FKBP5: variants seen among roughly 807,000 people sequenced by gnomAD.
FKBP5 encodes peptidyl-prolyl cis-trans isomerase FKBP5.
In FKBP5, 23 loss-of-function variants were observed where a neutral mutation model predicts 50.5. The observed-to-expected ratio is 0.46, with a 90% CI of 0.33 to 0.65. The LOEUF (loss-of-function observed/expected upper bound fraction) is 0.65. Among genes scored for constraint, FKBP5 ranks in the 30% least tolerant of loss-of-function variants. The pLI is 0.02. For synonymous variants in FKBP5, 176 were observed against 190.6 expected, an observed-to-expected ratio of 0.92 and a Z score of 0.63; for missense variants, 411 against 553.1, an observed-to-expected ratio of 0.74 and a Z score of 2.58.
rs922676241 is a variant in FKBP5 at position 35,575,782 on chromosome 6, G to A, written c.*53C>T. On this transcript the variant is annotated 3_prime_UTR_variant, in exon 11 of 11. Coordinates refer to ENST00000357266, the MANE Select transcript of FKBP5 (RefSeq NM_004117.4). The stretch of plus-strand genomic sequence containing the variant: ...CTGTTCTGTCCTGAGTTGGGGGAAA[G>A]CCCATTGAGGAGGGGCCGAGTTCAC... 4 of 1,122,836 alleles carry A rather than the reference G, an allele frequency of 3.6e-6. No individual in the cohort carries two copies. In the African/African-American group the frequency reaches 6.1e-5, roughly 17 times the overall value. 69.6% of individuals were successfully genotyped at this position (1,122,836 alleles called of 1,614,324 possible). A position where few individuals can be genotyped will look rare whatever the true frequency, so the allele number is the denominator to read the frequency against.
intron 3 of FKBP5, among the ~76,000 whole-genome samples, chr6:35,632,035 A>G (rs967889722): frequency 2.6e-5 from 4 of 151,960 alleles, no homozygotes; most frequent in African/African-American, 9.7e-5. Flanking sequence ...TAGTGAAAAT[A>G]TATTTGCTGG....
chr6:35,641,284 A>C (rs1413098471), intron 2 of FKBP5, among the ~76,000 whole-genome samples: 1 of 152,200 alleles, frequency 6.6e-6, no homozygotes, highest in Non-Finnish European at 1.5e-5. Context: ...CACTCAGCCA[A>C]GGGTGTTTTA....
Position 35,609,354 on chromosome 6 carries a change from C to T in FKBP5, c.508+9742G>A, listed in dbSNP as rs77620127. ...TGGGCTGAGTACGGAATTCTAGGTT[C>T]AAAATACACATAGCTATAGACAATG... is the stretch of plus-strand genomic sequence containing the variant. On this transcript the variant is annotated intron_variant, in intron 5 of 10. Transcript: ENST00000357266. Among the ~76,000 whole-genome samples, 22 of 152,136 alleles carry T rather than the reference C, an allele frequency of 1.4e-4. No homozygotes were observed. In the East Asian group the frequency reaches 2.7e-3, roughly 19 times the overall value.
chr6:35,644,059 G>A (rs951741291), intron 1 of FKBP5, among the ~76,000 whole-genome samples: 5 of 152,122 alleles, frequency 3.3e-5, no homozygotes, highest in Admixed American at 6.5e-5. Context: ...AAAAATATCT[G>A]TTTTCACAGA....
chr6:35,657,482 T>C (rs929037726), intron 1 of FKBP5, among the ~76,000 whole-genome samples: 1 of 152,226 alleles, frequency 6.6e-6, no homozygotes. Context: ...TCTTTGATCA[T>C]TCTTGTGTAG....
At position 35,713,250 on chromosome 6, in the gene FKBP5, A is replaced by G. The variant is rs1381381050; in HGVS notation, c.-20+7078T>C. ...TGTGGCTCAGGTCAATGGGAGCCAC[A>G]CTTGTTGGGGGAACCTTAGGACTAG... On this transcript the variant is annotated intron_variant, in intron 2 of 11. Transcript: ENST00000536438. Among the ~76,000 whole-genome samples, 3 of 151,962 alleles carry G rather than the reference A, an allele frequency of 2.0e-5. No homozygotes were observed. In the East Asian group the frequency reaches 5.8e-4, roughly 29 times the overall value.
chr6:35,703,267 C>G (rs1473039424), intron 2 of FKBP5, among the ~76,000 whole-genome samples: 2 of 151,790 alleles, frequency 1.3e-5, no homozygotes, highest in African/African-American at 4.8e-5. Context: ...AAAAAATTAG[C>G]CAGGTGTGGT....
intron 9 of FKBP5, among the ~76,000 whole-genome samples, chr6:35,579,749 TAC>T (rs1464180960): frequency 6.6e-6 from 1 of 152,220 alleles, no homozygotes; most frequent in Non-Finnish European, 1.5e-5. Flanking sequence ...ATATAAATAC[TAC>T]AGTTATAAGG....
At chr6:35,706,306 C>T (rs374948375) in intron 2 of FKBP5, among the ~76,000 whole-genome samples, 1 of 151,660 alleles carries the variant, frequency 6.6e-6, no homozygotes. Context: ...TGCCTGTAAT[C>T]CCAGCTAATC....
chr6:35,633,897 G>A (rs570914895), intron 3 of FKBP5, among the ~76,000 whole-genome samples: 67 of 152,212 alleles, frequency 4.4e-4, no homozygotes, highest in African/African-American at 1.4e-3. Context: ...CCTAATGCCC[G>A]GCTGGAAGCT....
chr6:35,606,780 T>G (rs1763335520), intron 5 of FKBP5, among the ~76,000 whole-genome samples: 1 of 149,994 alleles, frequency 6.7e-6, no homozygotes. Flanking sequence ...TTAGTTCAGC[T>G]CCTGTGGAAA....
At chr6:35,616,732 A>C (rs1763672287) in intron 5 of FKBP5, among the ~76,000 whole-genome samples, 1 of 152,172 alleles carries the variant, frequency 6.6e-6, no homozygotes, top group Non-Finnish European at 1.5e-5. Flanking sequence ...CTTAGTTGAC[A>C]AAACCCTCCA....
chr6:35,661,842 T>C lies in FKBP5; in HGVS notation c.-19-18999A>G, dbSNP rs1455811559. On this transcript the variant is annotated intron_variant, in intron 1 of 10. Transcript: ENST00000357266. The stretch of plus-strand genomic sequence containing the variant: ...GAGTGAGAATCTTAGCTTGACAACA[T>C]AGCAACTGTATGATCTTGTGCAAGT... Among the ~76,000 whole-genome samples, 3 of 80,128 alleles carry C rather than the reference T, an allele frequency of 3.7e-5. 1 individual carries two copies. The highest frequency in any genetic ancestry group is 8.4e-5 in the Non-Finnish European group (3 of 35,566). The allele number at this position is 80,128 out of a possible 152,430, so 52.6% of individuals were successfully genotyped here.
intron 1 of FKBP5, among the ~76,000 whole-genome samples, chr6:35,675,023 A>G (rs1358710647): frequency 6.6e-6 from 1 of 152,252 alleles, no homozygotes; most frequent in Non-Finnish European, 1.5e-5. Flanking sequence ...AGCAGTACTT[A>G]TTAATGAAAC....
At chr6:35,725,410 G>A (rs1407825806) in intron 1 of FKBP5, among the ~76,000 whole-genome samples, 3 of 152,182 alleles carry the variant, frequency 2.0e-5, no homozygotes, top group Non-Finnish European at 4.4e-5. Context: ...GCTGGCAAGG[G>A]GAGAGGGATC....
intron 8 of FKBP5, chr6:35,581,343 A>G (rs895088063): frequency 3.0e-6 from 1 of 336,266 alleles, no homozygotes; most frequent in African/African-American, 2.2e-5. Context: ...ACAGTGGCTC[A>G]TACCTGTAAT....
At chr6:35,723,274 AT>A (rs1401271229) in intron 1 of FKBP5, among the ~76,000 whole-genome samples, 6 of 151,972 alleles carry the variant, frequency 3.9e-5, no homozygotes, top group African/African-American at 1.4e-4. Flanking sequence ...TAAAATAAAA[AT>A]AAATAAATAA....
chr6:35,619,891 G>A (rs954132291), intron 4 of FKBP5, among the ~76,000 whole-genome samples: 4 of 152,148 alleles, frequency 2.6e-5, no homozygotes, highest in African/African-American at 9.7e-5. Context: ...TTATTTCTAA[G>A]TGTAGCGTCT....
chr6:35,699,682 GA>G (rs1215433683), intron 2 of FKBP5, among the ~76,000 whole-genome samples: 4 of 152,302 alleles, frequency 2.6e-5, no homozygotes, highest in Middle Eastern at 3.4e-3. Context: ...TTGAACTTAA[GA>G]GACAAGTTAT....
Sources: gnomAD v4.1 joint callset for allele counts (sites outside exome capture counted in the v4.1 genomes callset) on GRCh38, gnomAD v4.1.1 for gene constraint, MANE v1.5 for transcripts, NCBI Gene and HGNC (gene_info 2026-07-23, HGNC 2026-07-21) for gene names.